CDC123: variants seen among roughly 807,000 people sequenced by gnomAD.
The protein encoded by CDC123 is translation initiation factor eIF2 assembly protein.
In CDC123, 37 loss-of-function variants were observed where a neutral mutation model predicts 54.4. The observed-to-expected ratio is 0.68, with a 90% CI of 0.52 to 0.89. The LOEUF is 0.89. CDC123 is among the 40% of genes least tolerant of loss of function. The pLI is 0.00. For missense variants in CDC123, 361 were observed against 412.1 expected (o/e 0.88, Z 1.07); for synonymous variants, 144 against 136.8 (o/e 1.05, Z -0.37).
chr10:12,226,216 C>T (rs976196054), intron 6 of CDC123, among the ~76,000 whole-genome samples: 2 of 152,216 alleles, frequency 1.3e-5, no homozygotes, highest in Admixed American at 6.5e-5. Flanking sequence ...ACACTTCCCC[C>T]CCTTCCACTC....
intron 6 of CDC123, among the ~76,000 whole-genome samples, chr10:12,223,128 T>G (rs750042927): frequency 1.3e-5 from 2 of 151,946 alleles, no homozygotes; most frequent in Admixed American, 6.6e-5. Flanking sequence ...TCTCCTGACC[T>G]CATGATCCGC....
chr10:12,199,868 GC>G (rs1363894928), intron 2 of CDC123, among the ~76,000 whole-genome samples: 1 of 152,086 alleles, frequency 6.6e-6, no homozygotes, highest in East Asian at 1.9e-4. Flanking sequence ...TGTCACCCAG[GC>G]TGGAGTGCAG....
chr10:12,207,712 G>C (rs567863288), intron 2 of CDC123, among the ~76,000 whole-genome samples: 1 of 152,312 alleles, frequency 6.6e-6, no homozygotes, highest in East Asian at 1.9e-4. Flanking sequence ...TGGGAGCAGG[G>C]TGGGAGGAAG....
Position 12,198,693 on chromosome 10 carries a change from T to C in CDC123, c.75-12T>C. 1.0e-6 allele frequency: 1 copy of C among 977,404 alleles called. No homozygotes were observed. The highest frequency in any genetic ancestry group is 1.5e-6 in the Non-Finnish European group (1 of 678,432). 60.5% of individuals were successfully genotyped at this position (977,404 alleles called of 1,614,324 possible). On this transcript the variant is annotated splice_polypyrimidine_tract_variant and intron_variant, in intron 1 of 12. Transcript: ENST00000281141. ...TTTTAAAATGATGCCTTTTTTGGTG[T>C]TTTTTTTTTAGTGTCATTCTTCCAC...
At chr10:12,215,711 G>A (rs1164827162) in intron 4 of CDC123, 29 bp from the exon 5 acceptor site, 9 of 1,360,444 alleles carry the variant, frequency 6.6e-6, no homozygotes, top group Middle Eastern at 1.8e-4. Context: ...TGATATTGAC[G>A]TGCCCAATGA....
At chr10:12,218,447 G>A (rs754047396) in intron 6 of CDC123, among the ~76,000 whole-genome samples, 4 of 151,828 alleles carry the variant, frequency 2.6e-5, no homozygotes, top group Non-Finnish European at 5.9e-5. Context: ...CACCATATTG[G>A]CCAGGCTGGT....
At chr10:12,232,653 C>A (rs1456641555) in intron 7 of CDC123, among the ~76,000 whole-genome samples, 1 of 152,094 alleles carries the variant, frequency 6.6e-6, no homozygotes, top group Non-Finnish European at 1.5e-5. Context: ...AGCATTTTCC[C>A]AGCTTATTAA....
At chr10:12,234,165 G>GC (rs1835944687) in intron 7 of CDC123, among the ~76,000 whole-genome samples, 1 of 152,126 alleles carries the variant, frequency 6.6e-6, no homozygotes, top group African/African-American at 2.4e-5. Flanking sequence ...CGCAATCTCG[G>GC]CTCACTGCAA....
rs752585900 is a variant in CDC123 at position 12,243,652 on chromosome 10, C to T, written c.718-2497C>T. On this transcript the variant is annotated intron_variant, in intron 10 of 12. Transcript: ENST00000281141. Reference sequence around the variant, plus strand: ...ACAAAAAATTAGCTGGGCGTGATGGCGGACGCCTGTAGTCCCAGCTACTTG... The same window carrying T: ...ACAAAAAATTAGCTGGGCGTGATGGTGGACGCCTGTAGTCCCAGCTACTTG... 1.5e-4 allele frequency among the ~76,000 whole-genome samples: 23 copies of T among 150,942 alleles called. No individual in the cohort carries two copies. The East Asian group carries it at 4.0e-3, about 26-fold the overall frequency.
intron 10 of CDC123, among the ~76,000 whole-genome samples, chr10:12,239,710 T>TA (rs34401171): frequency 0.017 from 2,487 of 145,118 alleles, 74 homozygotes; most frequent in African/African-American, 0.059. Flanking sequence ...CTCTGTTTTT[T>TA]AAAAAAAAAA....
rs1048422053 is a variant in CDC123 at position 12,209,891 on chromosome 10, A to T, written c.147-76A>T. ...ATTTTAAGGCTATTTAAAAACATATACTCAGTACCCCTGAAATTAGGAGCA... is the reference window on the plus strand; with the variant it reads ...ATTTTAAGGCTATTTAAAAACATATTCTCAGTACCCCTGAAATTAGGAGCA... On this transcript the variant is annotated intron_variant, in intron 2 of 12. Transcript: ENST00000281141. 1.9e-5 allele frequency: 26 copies of T among 1,386,700 alleles called. No homozygotes were observed. In the Admixed American group the frequency reaches 4.1e-4, roughly 22 times the overall value. 85.9% of individuals were successfully genotyped at this position (1,386,700 alleles called of 1,614,324 possible). A position where few individuals can be genotyped will look rare whatever the true frequency, so the allele number is the denominator to read the frequency against.
intron 6 of CDC123, among the ~76,000 whole-genome samples, chr10:12,227,864 A>T (rs551156067): frequency 7.0e-4 from 107 of 152,306 alleles, no homozygotes; most frequent in African/African-American, 2.4e-3. Flanking sequence ...GTACTTATCA[A>T]TATGCTGATC....
At chr10:12,220,803 C>T (rs1366943192) in intron 6 of CDC123, among the ~76,000 whole-genome samples, 1 of 152,088 alleles carries the variant, frequency 6.6e-6, no homozygotes, top group Admixed American at 6.6e-5. Context: ...CGGTGAAACC[C>T]CGTCTCTACT....
rs60404885 is a variant in CDC123, at chr10:12,225,746, CTTTTTTTTTTT to C, written c.441-5185_441-5175del. 4.7e-3 allele frequency among the ~76,000 whole-genome samples: 317 copies of C among 66,992 alleles called. 3 individuals carry two copies. Among genetic ancestry groups the C allele is most frequent in the African/African-American group, 0.02 (289 of 14,222 alleles). The allele number at this position is 66,992 out of a possible 152,430, so 43.9% of individuals were successfully genotyped here. The stretch of plus-strand genomic sequence containing the variant: ...TCTCTTTTTTTTTTCTAGCTTCTCT[CTTTTTTTTTTT>C]TTTTTTTTTTTTTTTTAGTATTTAT... On this transcript the variant is annotated intron_variant, in intron 6 of 12. Coordinates refer to ENST00000281141, the MANE Select transcript of CDC123 (RefSeq NM_006023.3).
At chr10:12,245,921 T>G (rs1836128246) in intron 10 of CDC123, 1 of 383,332 alleles carries the variant, frequency 2.6e-6, no homozygotes. Context: ...AATACAAAAA[T>G]TAGCTGCATG....
At chr10:12,205,947 T>C (rs1835513591) in intron 2 of CDC123, among the ~76,000 whole-genome samples, 1 of 151,870 alleles carries the variant, frequency 6.6e-6, no homozygotes, top group Non-Finnish European at 1.5e-5. Context: ...TACAGGTGCC[T>C]GCGACCACGC....
At chr10:12,223,896 A>G (rs528274387) in intron 6 of CDC123, among the ~76,000 whole-genome samples, 1 of 152,110 alleles carries the variant, frequency 6.6e-6, no homozygotes. Flanking sequence ...GTTTGGGGGA[A>G]CAGGTGGTGT....
At chr10:12,222,868 C>T (rs182393552) in intron 6 of CDC123, among the ~76,000 whole-genome samples, 78 of 151,964 alleles carry the variant, frequency 5.1e-4, no homozygotes, top group African/African-American at 1.9e-3. Context: ...CCGACATGCT[C>T]ATCACTGGAT....
At chr10:12,242,292 C>T (rs1280657691) in intron 10 of CDC123, among the ~76,000 whole-genome samples, 5 of 152,310 alleles carry the variant, frequency 3.3e-5, no homozygotes, top group African/African-American at 1.2e-4. Context: ...CATTTCCAGC[C>T]TTCCCTCGCA....
Sources: gnomAD v4.1 joint callset for allele counts (sites outside exome capture counted in the v4.1 genomes callset) on GRCh38, gnomAD v4.1.1 for gene constraint, MANE v1.5 for transcripts, NCBI Gene and HGNC (gene_info 2026-07-23, HGNC 2026-07-21) for gene names.